Variants in ENOX2 observed in about 807,000 individuals in gnomAD.
ENOX2 encodes APK1 antigen.
In ENOX2, 36 loss-of-function variants were observed where a neutral mutation model predicts 45.0. That is an observed-to-expected ratio of 0.80 (90% CI 0.61 to 1.06). The LOEUF is 1.06. Ranked by LOEUF, ENOX2 falls within the 50% of genes least tolerant of loss-of-function variation. ENOX2 has a pLI of 0.00. For synonymous variants in ENOX2, 174 were observed against 152.3 expected (o/e 1.14, Z -1.05); for missense variants, 423 against 462.5 (o/e 0.91, Z 0.78).
In ENOX2 at chrX:130,670,066, T is replaced by C. The variant is rs1230065925; in HGVS notation, c.593A>G (p.His198Arg). 2 of 1,210,888 alleles carry C rather than the reference T, an allele frequency of 1.7e-6. No homozygotes were observed. The highest frequency in any genetic ancestry group is 2.2e-6 in the Non-Finnish European group (2 of 894,725). ...TCTTTCTTCTTCCATTCTTCTACGA[T>C]GGCGCTCCTCTCTGGCTAGCATACG... Reference protein sequence around the residue: ...KQRMLAREERHRRRMEEERLR... With the variant: ...KQRMLAREERRRRRMEEERLR... The change falls in exon 7 of 15, where the codon CAT (histidine) becomes CGT (arginine). Residue 198 changes from histidine (H) to arginine (R), a missense_variant. His to Arg is a conservative substitution (Grantham distance 29, BLOSUM62 0). Coordinates refer to ENST00000394363, the MANE Select transcript of ENOX2 (RefSeq NM_006375.4).
intron 2 of ENOX2, among the ~76,000 whole-genome samples, chrX:130,860,777 C>T (rs1267158545): frequency 8.9e-6 from 1 of 111,827 alleles, no homozygotes; most frequent in Non-Finnish European, 1.9e-5. Context: ...CTTGCTCATA[C>T]ACCTGTAATC....
chrX:130,634,253 T>G (rs1164834950), intron 12 of ENOX2, among the ~76,000 whole-genome samples: 1 of 112,289 alleles, frequency 8.9e-6, no homozygotes, highest in African/African-American at 3.2e-5. Flanking sequence ...TTTTGGTGAA[T>G]GGGCTTCCCT....
chrX:130,783,040 G>A lies in ENOX2; in HGVS notation c.-39+507C>T, dbSNP rs1271631771. ...ATAGTGGGTATTGAGGGGAACAGGGGTAGAGGTGGGGAGATGCAAATATAT... is the reference window on the plus strand; with the variant it reads ...ATAGTGGGTATTGAGGGGAACAGGGATAGAGGTGGGGAGATGCAAATATAT... On this transcript the variant is annotated intron_variant, in intron 3 of 14. Transcript: ENST00000394363. 2.1e-4 allele frequency among the ~76,000 whole-genome samples: 23 copies of A among 111,812 alleles called. No individual in the cohort carries two copies. The Admixed American group carries it at 2.2e-3, about 11-fold the overall frequency.
chrX:130,880,679 T>C (rs1439362338), intron 2 of ENOX2, among the ~76,000 whole-genome samples: 1 of 111,703 alleles, frequency 9.0e-6, no homozygotes, highest in Non-Finnish European at 1.9e-5. Flanking sequence ...AGAGCTAAAA[T>C]GTATAAAAGT....
At chrX:130,692,539 C>T (rs1430885626) in intron 4 of ENOX2, among the ~76,000 whole-genome samples, 1 of 110,495 alleles carries the variant, frequency 9.1e-6, no homozygotes, top group Non-Finnish European at 1.9e-5. Flanking sequence ...ATGGCCATTG[C>T]TGAAAGAGCC....
chrX:130,699,998 C>T (rs1255654688), intron 4 of ENOX2, among the ~76,000 whole-genome samples: 2 of 112,192 alleles, frequency 1.8e-5, no homozygotes, highest in African/African-American at 6.5e-5. Flanking sequence ...CATGTATTAA[C>T]ACATGAATCC....
intron 3 of ENOX2, among the ~76,000 whole-genome samples, chrX:130,707,079 C>T (rs191860217): frequency 2.7e-4 from 30 of 112,538 alleles, no homozygotes; most frequent in Admixed American, 2.1e-3. Context: ...TGGCCTGATC[C>T]ACTTTCTAGA....
chrX:130,844,546 C>T (rs1191343678), intron 2 of ENOX2, among the ~76,000 whole-genome samples: 3 of 111,235 alleles, frequency 2.7e-5, no homozygotes, highest in African/African-American at 6.6e-5. Context: ...AATCGTTACA[C>T]GATAAAAAAT....
intron 3 of ENOX2, among the ~76,000 whole-genome samples, chrX:130,769,953 A>C (rs2039700760): frequency 8.9e-6 from 1 of 112,321 alleles, no homozygotes; most frequent in Non-Finnish European, 1.9e-5. Context: ...CAAAAGAAGA[A>C]GACGTTCCAT....
intron 4 of ENOX2, among the ~76,000 whole-genome samples, chrX:130,698,815 G>C (rs1185248958): frequency 9.0e-6 from 1 of 111,415 alleles, no homozygotes; most frequent in African/African-American, 3.3e-5. Context: ...CTGGAAATAA[G>C]GTCCATGAGT....
chrX:130,721,311 A>T (rs765397429), intron 3 of ENOX2, among the ~76,000 whole-genome samples: 61 of 112,147 alleles, frequency 5.4e-4, no homozygotes, highest in African/African-American at 1.9e-3. Context: ...AGCGAGTCAC[A>T]TATTTTAGCT....
At position 130,656,612 on chromosome X, in the gene ENOX2, T is replaced by A. The variant is rs775197914; in HGVS notation, c.1098A>T (p.Glu366Asp). The change falls in exon 10 of 15, where the codon GAA (glutamate) becomes GAT (aspartate). Residue 366 changes from glutamate to aspartate, a missense_variant. By Grantham distance (45) the Glu-to-Asp change is conservative. This residue lies in a region of ENOX2 where 261 missense variants were observed against 306.8 expected (regional missense o/e 0.85). Transcript: ENST00000394363. ...CCTCAGTTTCTTTTGTTTCTGTCAT[T>A]TCTTCTATTTCATCATCAGACATTT... is the stretch of plus-strand genomic sequence containing the variant. ...EMEMSDDEIE[E>D]MTETKETEES... 1.7e-6 allele frequency: 2 copies of A among 1,158,092 alleles called. No individual in the cohort carries two copies. The highest frequency in any genetic ancestry group is 6.0e-5 in the East Asian group (2 of 33,437).
intron 3 of ENOX2, among the ~76,000 whole-genome samples, chrX:130,716,838 G>A (rs1298813114): frequency 3.6e-5 from 4 of 112,376 alleles, no homozygotes; most frequent in South Asian, 3.7e-4. Flanking sequence ...ACACATGTGA[G>A]TTATTAACTT....
intron 3 of ENOX2, among the ~76,000 whole-genome samples, chrX:130,770,131 T>C (rs2039704822): frequency 9.0e-6 from 1 of 111,598 alleles, no homozygotes; most frequent in African/African-American, 3.3e-5. Context: ...CATATTCACA[T>C]TCCCTTTAGC....
In ENOX2 at chrX:130,694,210, C is replaced by A. The variant is rs551098911; in HGVS notation, c.98-5192G>T. Among the ~76,000 whole-genome samples the A allele has an allele frequency of 1.2e-4, 13 of 112,223 alleles. 1 individual carries two copies. In the South Asian group the frequency reaches 4.9e-3, roughly 42 times the overall value. On this transcript the variant is annotated intron_variant, in intron 4 of 14. Transcript: ENST00000394363. ...TATAGCAATAGATAAGGAGAATATC[C>A]AGCATGGCTGCAGTGGAATGTGATT...
intron 12 of ENOX2, among the ~76,000 whole-genome samples, chrX:130,633,566 C>T (rs1478874981): frequency 8.9e-6 from 1 of 112,941 alleles, no homozygotes; most frequent in East Asian, 2.8e-4. Flanking sequence ...ATGGGAAACA[C>T]TTGCCCTTAG....
At chrX:130,739,176 T>G (rs1380854487) in intron 3 of ENOX2, among the ~76,000 whole-genome samples, 2 of 112,646 alleles carry the variant, frequency 1.8e-5, no homozygotes, top group Non-Finnish European at 3.7e-5. Context: ...ATTTTGAATT[T>G]TAATCTTTTC....
intron 6 of ENOX2, among the ~76,000 whole-genome samples, chrX:130,678,846 A>C (rs2037223031): frequency 8.9e-6 from 1 of 111,865 alleles, no homozygotes; most frequent in African/African-American, 3.3e-5. Context: ...GCAGTCAATA[A>C]ATATTTGACA....
At chrX:130,900,507 G>A (rs2079128367) in intron 2 of ENOX2, among the ~76,000 whole-genome samples, 1 of 111,761 alleles carries the variant, frequency 8.9e-6, no homozygotes, top group Non-Finnish European at 1.9e-5. Context: ...CCTCTTTCCA[G>A]ACTCTTCTCC....
Sources: allele counts gnomAD v4.1 joint callset (sites outside exome capture counted in the v4.1 genomes callset), GRCh38; gene constraint gnomAD v4.1.1; regional missense constraint gnomAD v4.1.1; transcripts MANE v1.5; gene names NCBI Gene and HGNC (gene_info 2026-07-23, HGNC 2026-07-21).